The following CC2D1A variants were observed in gnomAD, a reference collection of about 807,000 sequenced individuals.
The protein encoded by CC2D1A is coiled-coil and C2 domain-containing protein 1A.
In CC2D1A, 68 loss-of-function variants were observed where a neutral mutation model predicts 123.8. The ratio of observed to expected loss-of-function variants is 0.55; its 90% CI spans 0.45 to 0.67. CC2D1A has a LOEUF of 0.67. Ranked by LOEUF, CC2D1A falls within the 30% of genes least tolerant of loss-of-function variation. The pLI, the probability that CC2D1A is intolerant of heterozygous loss-of-function variation, is 0.00. For missense variants in CC2D1A, 1,185 were observed against 1,290.3 expected (o/e 0.92, Z 1.25); for synonymous variants, 477 against 528.0 (o/e 0.90, Z 1.32).
Position 13,913,492 on chromosome 19 carries a change from C to G in CC2D1A, c.602C>G (p.Pro201Arg). Residue 201 changes from proline (P) to arginine (R), a missense_variant, in exon 6 of 29, where the codon CCG becomes CGG. Pro to Arg is a moderately radical substitution (Grantham distance 103). Transcript: ENST00000318003. ...IPPPVAIGKG[P>R]ASTPTYSPAP... ...CCGCCAGTGGCCATAGGAAAAGGCC[C>G]GGCGTCCACGCCTACCTACAGCCCT... 6.2e-7 allele frequency: 1 copy of G among 1,614,168 alleles called. No individual in the cohort carries two copies. Among genetic ancestry groups the G allele is most frequent in the Non-Finnish European group, 8.5e-7 (1 of 1,180,044 alleles).
Position 13,912,401 on chromosome 19 carries a change from CG to C in CC2D1A, c.277del (p.Asp93MetfsTer15). 1 of 1,613,494 alleles carries C rather than the reference CG, an allele frequency of 6.2e-7. No homozygotes were observed. The highest frequency in any genetic ancestry group is 8.5e-7 in the Non-Finnish European group (1 of 1,179,794). On this transcript the variant is annotated frameshift_variant, in exon 3 of 29. Transcript: ENST00000318003. LOFTEE classifies it high-confidence loss of function. ...RDPDEDEEEG[T>X]DEDDLEADDD... ...CCGGATGAGGATGAGGAGGAGGGGACGGATGAGGACGACTTGGAGGCTGATG... is the reference window on the plus strand; with the variant it reads ...CCGGATGAGGATGAGGAGGAGGGGACGATGAGGACGACTTGGAGGCTGATG...
intron 17 of CC2D1A, among the ~76,000 whole-genome samples, chr19:13,926,061 T>C (rs1350572634): frequency 1.6e-5 from 2 of 123,404 alleles, no homozygotes; most frequent in African/African-American, 8.4e-5. Flanking sequence ...TATATATGTA[T>C]ATATACACAC....
chr19:13,918,134 C>T lies in CC2D1A; in HGVS notation c.813C>T (p.Ala271=), dbSNP rs751344943. ...GCCAGCGCGACTACAAGCTGGCTGC[C>T]CTCCACGCCAAGCAGCAGGGAGATA... is the stretch of plus-strand genomic sequence containing the variant. ...QSRQRDYKLA[A]LHAKQQGDTT... is the part of the protein sequence containing the mutation. Residue 271 remains alanine, a synonymous_variant, in exon 7 of 29, where the codon GCC becomes GCT. Transcript: ENST00000318003. 2.5e-6 allele frequency: 4 copies of T among 1,611,480 alleles called. 1 individual carries two copies. In the Admixed American group the frequency reaches 6.7e-5, roughly 27 times the overall value.
Position 13,906,535 on chromosome 19 carries a change from C to G in CC2D1A, c.60+34C>G. The G allele has an allele frequency of 7.2e-7, 1 of 1,384,878 alleles. No individual in the cohort carries two copies. The highest frequency in any genetic ancestry group is 9.5e-7 in the Non-Finnish European group (1 of 1,052,516). 85.8% of individuals were successfully genotyped at this position (1,384,878 alleles called of 1,614,324 possible). ...GCGCCCCACGGCCCGACCTGGGGAT[C>G]CCTCCCCACCCCCGTCACTCGCTCA... On this transcript the variant is annotated intron_variant, in intron 1 of 28. Coordinates refer to ENST00000318003, the MANE Select transcript of CC2D1A (RefSeq NM_017721.5). The surrounding 1 kb of genome is among the most constrained non-coding windows in gnomAD (Gnocchi z 4.1).
intron 14 of CC2D1A, 45 bp downstream of exon 14, chr19:13,920,967 C>T: frequency 6.4e-7 from 1 of 1,550,544 alleles, no homozygotes; most frequent in South Asian, 1.2e-5. Context: ...ACCCACTTGT[C>T]AGGCTCCTGC....
At position 13,923,777 on chromosome 19, in the gene CC2D1A, G is replaced by A. The variant is rs183492797; in HGVS notation, c.1906G>A (p.Ala636Thr). 1.8e-5 allele frequency: 29 copies of A among 1,613,960 alleles called. No individual in the cohort carries two copies. The highest frequency in any genetic ancestry group is 5.5e-5 in the South Asian group (5 of 91,072). Residue 636 changes from alanine (A) to threonine (T), a missense_variant, in exon 17 of 29, where the codon GCC becomes ACC. Ala to Thr is a moderately conservative substitution (Grantham distance 58). Coordinates refer to ENST00000318003, the MANE Select transcript of CC2D1A (RefSeq NM_017721.5). This position sits in a 1 kb window ranked among gnomAD's most constrained non-coding sequence, Gnocchi z 5.3. ...AFVRGLPTPT[A>T]RFEQRTFSVI... is the part of the protein sequence containing the mutation. ...CGTCCGGGGTCTCCCCACGCCCACC[G>A]CCCGCTTTGAGCAAAGGACCTTCAG...
At chr19:13,926,054 A>C (rs1318427968) in intron 17 of CC2D1A, among the ~76,000 whole-genome samples, 2 of 129,358 alleles carry the variant, frequency 1.5e-5, no homozygotes, top group African/African-American at 7.4e-5. Context: ...ACACGTATAT[A>C]TATGTATATA....
rs1192143675 is a variant in CC2D1A, at chr19:13,925,996, GTGTGTATATATATATATACGTATATATA to G, written c.1941-502_1941-475del. ...TATGTGTATATATATATACATATAT[GTGTGTATATATATATATACGTATATATA>G]TGTGTATATATATATATATACACGT... On this transcript the variant is annotated intron_variant, in intron 17 of 28. Coordinates refer to ENST00000318003, the MANE Select transcript of CC2D1A (RefSeq NM_017721.5). Among the ~76,000 whole-genome samples, 8 of 106,068 alleles carry G rather than the reference GTGTGTATATATATATATACGTATATATA, an allele frequency of 7.5e-5. 1 individual carries two copies. Among genetic ancestry groups the G allele is most frequent in the African/African-American group, 4.2e-4 (8 of 18,844 alleles). 69.6% of individuals were successfully genotyped at this position (106,068 alleles called of 152,430 possible).
intron 2 of CC2D1A, 127 bp downstream of exon 2, chr19:13,910,085 G>T: frequency 1.4e-5 from 13 of 916,708 alleles, no homozygotes; most frequent in Non-Finnish European, 1.8e-5. Flanking sequence ...TGGAGCCAAT[G>T]ATCTGGGTAA....
chr19:13,919,223 C>T (rs545502473), intron 11 of CC2D1A, 21 bp downstream of exon 11: 4 of 1,589,038 alleles, frequency 2.5e-6, no homozygotes, highest in Admixed American at 1.7e-5. Context: ...CCCCTGTAGG[C>T]CTCGCCCCAG....
Position 13,923,764 on chromosome 19 carries a change from C to A in CC2D1A, c.1893C>A (p.Leu631=), listed in dbSNP as rs1568416624. 2 of 1,614,106 alleles carry A rather than the reference C, an allele frequency of 1.2e-6. No homozygotes were observed. The highest frequency in any genetic ancestry group is 1.7e-6 in the Non-Finnish European group (2 of 1,179,986). ...TGAAGCAAGCCTTCGTCCGGGGTCT[C>A]CCCACGCCCACCGCCCGCTTTGAGC... ...DILKQAFVRG[L]PTPTARFEQR... The change falls in exon 17 of 29, where the codon CTC becomes CTA. Residue 631 remains leucine (L), a synonymous_variant. Transcript: ENST00000318003. The surrounding 1 kb of genome is among the most constrained non-coding windows in gnomAD (Gnocchi z 5.3).
At position 13,923,306 on chromosome 19, in the gene CC2D1A, C is replaced by T. The variant is rs761077398; in HGVS notation, c.1642-27C>T. On this transcript the variant is annotated intron_variant, in intron 14 of 28. Coordinates refer to ENST00000318003, the MANE Select transcript of CC2D1A (RefSeq NM_017721.5). This position sits in a 1 kb window ranked among gnomAD's most constrained non-coding sequence, Gnocchi z 5.3. ...AGGTGGGCCTGCTTGTCCTCCTTAC[C>T]CCCGCCACCAGCCTCGTCCTCCCCA... The T allele has an allele frequency of 7.5e-6, 12 of 1,590,710 alleles. No individual in the cohort carries two copies. Among genetic ancestry groups the T allele is most frequent in the Non-Finnish European group, 1.0e-5 (12 of 1,174,270 alleles).
chr19:13,926,386 T>G, intron 17 of CC2D1A, 131 bp from the exon 18 acceptor site: 1 of 705,776 alleles, frequency 1.4e-6, no homozygotes, highest in Non-Finnish European at 2.4e-6. Context: ...GCCCAGGAGC[T>G]GAGACACCCC....
chr19:13,918,641 C>T, intron 8 of CC2D1A, 65 bp downstream of exon 8: 2 of 1,582,954 alleles, frequency 1.3e-6, no homozygotes, highest in Non-Finnish European at 1.7e-6. Context: ...CTCCTTGATG[C>T]TGCCACCCCT....
intron 17 of CC2D1A, among the ~76,000 whole-genome samples, chr19:13,925,944 A>ATATATATACGTATATATATG (rs1971584714): frequency 7.8e-6 from 1 of 127,628 alleles, no homozygotes; most frequent in African/African-American, 3.6e-5. Flanking sequence ...ATATATATAT[A>ATATATATACGTATATATATG]TATATATATA....
Position 13,930,308 on chromosome 19 carries a change from G to A in CC2D1A, c.2835+19G>A. On this transcript the variant is annotated intron_variant, in intron 28 of 28. Transcript: ENST00000318003. The surrounding 1 kb of genome is among the most constrained non-coding windows in gnomAD (Gnocchi z 6.8). Reference sequence around the variant, plus strand: ...GAGTGAGGTAAGCAGCTTAGGAGATGGGGTGGTTGGGGGATCACTGTGGTC... The same window carrying A: ...GAGTGAGGTAAGCAGCTTAGGAGATAGGGTGGTTGGGGGATCACTGTGGTC... 4 of 1,613,906 alleles carry A rather than the reference G, an allele frequency of 2.5e-6. No individual in the cohort carries two copies. Among genetic ancestry groups the A allele is most frequent in the Non-Finnish European group, 3.4e-6 (4 of 1,179,872 alleles).
intron 24 of CC2D1A, among the ~76,000 whole-genome samples, chr19:13,928,761 T>G (rs1315180809): frequency 4.3e-5 from 6 of 141,088 alleles, no homozygotes; most frequent in Non-Finnish European, 9.0e-5. Flanking sequence ...CAGGCTAGAG[T>G]GCAATGGCGC....
In CC2D1A at chr19:13,920,573, C is replaced by T. The variant is rs1971374529; in HGVS notation, c.1373C>T (p.Ala458Val). The T allele has an allele frequency of 6.3e-7, 1 of 1,598,130 alleles. No homozygotes were observed. The highest frequency in any genetic ancestry group is 1.1e-5 in the South Asian group (1 of 89,930). Reference sequence around the variant, plus strand: ...CCTCTACAGCAGAACAGCCCTGTGGCCCCCACAGCCCAGCCCAAAGCCCCA... The same window carrying T: ...CCTCTACAGCAGAACAGCCCTGTGGTCCCCACAGCCCAGCCCAAAGCCCCA... Reference protein sequence around the residue: ...EVPKKQNSPVAPTAQPKAPPS... With the variant: ...EVPKKQNSPVVPTAQPKAPPS... Residue 458 changes from alanine (A) to valine (V), a missense_variant, in exon 13 of 29, where the codon GCC (alanine) becomes GTC (valine). Coordinates refer to ENST00000318003, the MANE Select transcript of CC2D1A (RefSeq NM_017721.5).
chr19:13,926,376 G>A (rs1181763466), intron 17 of CC2D1A, 141 bp from the exon 18 acceptor site: 1 of 657,150 alleles, frequency 1.5e-6, no homozygotes, highest in African/African-American at 1.8e-5. Flanking sequence ...TCTAAAATGA[G>A]CCCAGGAGCT....
Sources: gnomAD v4.1 joint callset for allele counts (sites outside exome capture counted in the v4.1 genomes callset) on GRCh38, gnomAD v4.1.1 for gene constraint, Gnocchi (gnomAD v3.1) non-coding constraint, MANE v1.5 for transcripts, NCBI Gene and HGNC (gene_info 2026-07-23, HGNC 2026-07-21) for gene names.